Variants in CPZ observed in about 807,000 individuals in gnomAD.
CPZ encodes the protein carboxypeptidase Z.
In CPZ, 103 loss-of-function variants were observed where a neutral mutation model predicts 61.8. That is an observed-to-expected ratio of 1.67 (90% CI 1.42 to 1.96). CPZ has a LOEUF of 1.96. CPZ is among the 30% of genes most tolerant of loss of function. The pLI is 0.00. For missense variants in CPZ, 1,461 were observed against 914.9 expected (o/e 1.60, Z -7.70); for synonymous variants, 551 against 373.7 (o/e 1.47, Z -5.47).
intron 2 of CPZ, among the ~76,000 whole-genome samples, chr4:8,600,687 C>T (rs1463533296): frequency 6.6e-6 from 1 of 152,220 alleles, no homozygotes; most frequent in Non-Finnish European, 1.5e-5. Context: ...AGTCCTGAGC[C>T]CCAACTGACC....
In CPZ at chr4:8,619,449, G is replaced by A. The variant is rs772270191; in HGVS notation, c.1791G>A (p.Arg597=). The A allele has an allele frequency of 1.2e-6, 2 of 1,613,212 alleles. No homozygotes were observed. Among genetic ancestry groups the A allele is most frequent in the Non-Finnish European group, 1.7e-6 (2 of 1,179,452 alleles). ...GPKNFIHGLR[R]TGPHDPLGGA... The stretch of plus-strand genomic sequence containing the variant: ...AGAACTTTATTCATGGGCTGCGGAG[G>A]ACTGGGCCCCACGACCCACTGGGAG... Residue 597 remains arginine, a synonymous_variant, in exon 11 of 11, where the codon AGG becomes AGA. Coordinates refer to ENST00000360986, the MANE Select transcript of CPZ (RefSeq NM_001014447.3).
rs1560298023 is a variant in CPZ at position 8,609,158 on chromosome 4, A to ACTT, written c.1227+1735_1227+1736insTCT. On this transcript the variant is annotated intron_variant, in intron 7 of 10. Coordinates refer to ENST00000360986, the MANE Select transcript of CPZ (RefSeq NM_001014447.3). Reference sequence around the variant, plus strand: ...CATTTACTCATTCACCCACTCCCTCACTCATTCACTCACCCATTCACTCAG... The same window carrying ACTT: ...CATTTACTCATTCACCCACTCCCTCACTTCTCATTCACTCACCCATTCACTCAG... 7.8e-4 allele frequency among the ~76,000 whole-genome samples: 106 copies of ACTT among 136,388 alleles called. 1 individual carries two copies. Among genetic ancestry groups the ACTT allele is most frequent in the Middle Eastern group, 3.8e-3 (1 of 260 alleles). The allele number at this position is 136,388 out of a possible 152,430, so 89.5% of individuals were successfully genotyped here.
In CPZ at chr4:8,619,569, C is replaced by T. The variant is rs1382620607; in HGVS notation, c.1911C>T (p.Tyr637=). ...GGAGTAAGCCCTGGTGGTGGTCCTA[C>T]TTCACATCGCTGAGCACCCACAGGC... ...ADGSKPWWWS[Y]FTSLSTHRPR... The change falls in exon 11 of 11, where the codon TAC becomes TAT. Residue 637 remains tyrosine, a synonymous_variant. Transcript: ENST00000360986. 2.6e-6 allele frequency: 4 copies of T among 1,534,910 alleles called. No individual in the cohort carries two copies. Among genetic ancestry groups the T allele is most frequent in the Non-Finnish European group, 2.6e-6 (3 of 1,140,666 alleles).
intron 7 of CPZ, among the ~76,000 whole-genome samples, chr4:8,610,570 C>G (rs540027101): frequency 6.6e-6 from 1 of 152,158 alleles, no homozygotes; most frequent in Non-Finnish European, 1.5e-5. Context: ...GTCAAGCTGA[C>G]GGATAAAGGC....
chr4:8,609,130 A>C (rs1560297911), intron 7 of CPZ, among the ~76,000 whole-genome samples: 50 of 116,090 alleles, frequency 4.3e-4, no homozygotes, highest in Non-Finnish European at 7.6e-4. Context: ...TCACTCATTC[A>C]CTCATTTACT....
chr4:8,606,033 G>A lies in CPZ; in HGVS notation c.754G>A (p.Val252Met), dbSNP rs761850280. 2 of 1,614,144 alleles carry A rather than the reference G, an allele frequency of 1.2e-6. No homozygotes were observed. Among genetic ancestry groups the A allele is most frequent in the East Asian group, 2.2e-5 (1 of 44,878 alleles). The change falls in exon 5 of 11, where the codon GTG becomes ATG. Residue 252 changes from valine (V) to methionine (M), a missense_variant. Coordinates refer to ENST00000360986, the MANE Select transcript of CPZ (RefSeq NM_001014447.3). Reference protein sequence around the residue: ...KLIGNIHGNEVAGREMLIYLA... With the variant: ...KLIGNIHGNEMAGREMLIYLA... The stretch of plus-strand genomic sequence containing the variant: ...CATCGGCAACATTCATGGCAACGAG[G>A]TGGCGGGCCGGGAGATGCTCATCTA...
At chr4:8,597,729 C>T (rs1366306379) in intron 1 of CPZ, 1 of 152,268 alleles carries the variant, frequency 6.6e-6, no homozygotes, top group Non-Finnish European at 1.5e-5. Context: ...CCGGGTTGTT[C>T]TGAAACCATC....
intron 1 of CPZ, among the ~76,000 whole-genome samples, chr4:8,597,882 C>T (rs1170785545): frequency 6.6e-6 from 1 of 152,186 alleles, no homozygotes; most frequent in Non-Finnish European, 1.5e-5. Flanking sequence ...GAAATGGAGA[C>T]ACAAAAGAGC....
intron 1 of CPZ, among the ~76,000 whole-genome samples, chr4:8,594,280 T>C (rs977044825): frequency 1.3e-5 from 2 of 152,226 alleles, no homozygotes; most frequent in African/African-American, 4.8e-5. Flanking sequence ...GCAGAGCCGG[T>C]CACCTGCAGT....
chr4:8,614,040 G>A (rs1715940415), intron 8 of CPZ, among the ~76,000 whole-genome samples: 1 of 152,264 alleles, frequency 6.6e-6, no homozygotes, highest in South Asian at 2.1e-4. Context: ...AGCGGCCTGA[G>A]CTCAAGATGC....
intron 9 of CPZ, among the ~76,000 whole-genome samples, chr4:8,616,921 G>A (rs1004314869): frequency 6.6e-6 from 1 of 152,148 alleles, no homozygotes; most frequent in Non-Finnish European, 1.5e-5. Flanking sequence ...CCTCTCCATC[G>A]CGTCAGGAGG....
At chr4:8,597,210 T>C (rs1192981468) in intron 1 of CPZ, among the ~76,000 whole-genome samples, 1 of 152,100 alleles carries the variant, frequency 6.6e-6, no homozygotes, top group African/African-American at 2.4e-5. Flanking sequence ...CGGTGCTCGC[T>C]CAGGGCCCTG....
chr4:8,619,079 G>T (rs928202523), intron 10 of CPZ, among the ~76,000 whole-genome samples, 183 bp from the exon 11 acceptor site: 1 of 152,102 alleles, frequency 6.6e-6, no homozygotes, highest in African/African-American at 2.4e-5. Context: ...AGGGTTTTGA[G>T]GTATAAATAA....
intron 9 of CPZ, 102 bp from the exon 10 acceptor site, chr4:8,618,327 T>G: frequency 8.9e-7 from 1 of 1,125,560 alleles, no homozygotes; most frequent in Non-Finnish European, 1.3e-6. Context: ...TAGTTCCCCC[T>G]AGATACCAAG....
At chr4:8,598,319 GTC>G (rs1296513280) in intron 1 of CPZ, among the ~76,000 whole-genome samples, 1 of 152,210 alleles carries the variant, frequency 6.6e-6, no homozygotes, top group Admixed American at 6.5e-5. Context: ...AGCAGCCCAG[GTC>G]TCTCTGACCT....
intron 10 of CPZ, 72 bp downstream of exon 10, chr4:8,618,600 C>T: frequency 7.2e-7 from 1 of 1,395,596 alleles, no homozygotes; most frequent in East Asian, 2.4e-5. Flanking sequence ...CAGCCGGCAC[C>T]CTCAGGCACT....
rs1560297613 is a variant in CPZ at position 8,609,046 on chromosome 4, C to CA, written c.1227+1621_1227+1622insA. ...TCACTCCTTCACTCACCCATTCACT[C>CA]CCTCCCTCCCTCACTCCCTCACTCA... On this transcript the variant is annotated intron_variant, in intron 7 of 10. Transcript: ENST00000360986. Among the ~76,000 whole-genome samples, 389 of 86,622 alleles carry CA rather than the reference C, an allele frequency of 4.5e-3. 4 individuals carry two copies. In the Middle Eastern group the frequency reaches 0.045, roughly 10 times the overall value. The allele number at this position is 86,622 out of a possible 152,430, so 56.8% of individuals were successfully genotyped here.
rs1560297920 is a variant in CPZ, at chr4:8,609,130, A to ACCCATTCACTCACTCACTT, written c.1227+1706_1227+1707insCCATTCACTCACTCACTTC. 2.9e-4 allele frequency among the ~76,000 whole-genome samples: 34 copies of ACCCATTCACTCACTCACTT among 116,116 alleles called. 1 individual carries two copies. In the South Asian group the frequency reaches 7.0e-3, roughly 24 times the overall value. The allele number at this position is 116,116 out of a possible 152,430, so 76.2% of individuals were successfully genotyped here. ...CCCTTCCTCACTCCCTCACTCATTC[A>ACCCATTCACTCACTCACTT]CTCATTTACTCATTCACCCACTCCC... On this transcript the variant is annotated intron_variant, in intron 7 of 10. Transcript: ENST00000360986.
chr4:8,599,536 C>T (rs369712443), intron 2 of CPZ, 51 bp downstream of exon 2: 1 of 1,607,500 alleles, frequency 6.2e-7, no homozygotes, highest in South Asian at 1.1e-5. Context: ...GGCTGCAGCC[C>T]CCACACTGTC....
Sources: gnomAD v4.1 joint callset for allele counts (sites outside exome capture counted in the v4.1 genomes callset) on GRCh38, gnomAD v4.1.1 for gene constraint, MANE v1.5 for transcripts, NCBI Gene and HGNC (gene_info 2026-07-23, HGNC 2026-07-21) for gene names.